Variants in CSMD1 observed in about 807,000 individuals in gnomAD.
CSMD1 encodes the protein CUB and sushi domain-containing protein 1.
In CSMD1, 213 loss-of-function variants were observed where a neutral mutation model predicts 417.5. The ratio of observed to expected loss-of-function variants is 0.51; its 90% CI spans 0.46 to 0.57. The LOEUF is 0.57. Among genes scored for constraint, CSMD1 ranks in the 20% least tolerant of loss-of-function variants. The probability of loss-of-function intolerance (pLI) is 0.00; values close to 1 mark genes in which losing one functional copy is unlikely to be tolerated. For missense variants in CSMD1, 6,923 were observed against 4,529.7 expected, an observed-to-expected ratio of 1.53 and a Z score of -15.17; for synonymous variants, 2,862 against 1,736.8, an observed-to-expected ratio of 1.65 and a Z score of -16.11.
intron 26 of CSMD1, among the ~76,000 whole-genome samples, chr8:3,234,565 C>T (rs879927214): frequency 1.3e-5 from 2 of 152,224 alleles, no homozygotes; most frequent in East Asian, 1.9e-4. Context: ...TAGGAGTTAC[C>T]GGAAGGCCAT....
intron 3 of CSMD1, among the ~76,000 whole-genome samples, chr8:4,110,179 A>G (rs535635579): frequency 6.6e-6 from 1 of 152,178 alleles, no homozygotes; most frequent in Non-Finnish European, 1.5e-5. Context: ...TCTGGATCAC[A>G]TATCTAAAGA....
At chr8:4,396,687 A>C (rs1804244637) in intron 3 of CSMD1, among the ~76,000 whole-genome samples, 2 of 152,072 alleles carry the variant, frequency 1.3e-5, no homozygotes, top group South Asian at 4.1e-4. Flanking sequence ...CCAATGGAAT[A>C]CCGATCAGCC....
intron 3 of CSMD1, among the ~76,000 whole-genome samples, chr8:4,077,843 G>T (rs947167345): frequency 6.6e-6 from 1 of 152,066 alleles, no homozygotes; most frequent in African/African-American, 2.4e-5. Context: ...ACCAAATTGA[G>T]CCTAAATATG....
rs534825967 is a variant in CSMD1 at position 4,960,646 on chromosome 8, T to C, written c.85+33686A>G. On this transcript the variant is annotated intron_variant, in intron 1 of 69. Transcript: ENST00000635120. The stretch of plus-strand genomic sequence containing the variant: ...ATGCATCCATACATCCATATATCCA[T>C]ACATATGTACATCCATTCATACGTA... Among the ~76,000 whole-genome samples the C allele has an allele frequency of 3.1e-4, 47 of 152,284 alleles. No homozygotes were observed. The South Asian group carries it at 9.1e-3, about 30-fold the overall frequency.
chr8:3,814,562 G>A (rs1003184827), intron 5 of CSMD1, among the ~76,000 whole-genome samples: 3 of 152,148 alleles, frequency 2.0e-5, no homozygotes, highest in African/African-American at 7.2e-5. Context: ...TATCAGGGTG[G>A]ATACCACTTG....
chr8:4,920,866 GAAAAGA>G (rs1806396574), intron 1 of CSMD1, among the ~76,000 whole-genome samples: 1 of 5,734 alleles, frequency 1.7e-4, no homozygotes, highest in African/African-American at 3.5e-4. Flanking sequence ...GAAAAGAAAA[GAAAAGA>G]AAAGAAAAGA....
At chr8:4,546,906 C>G (rs1034721619) in intron 2 of CSMD1, among the ~76,000 whole-genome samples, 1 of 152,084 alleles carries the variant, frequency 6.6e-6, no homozygotes, top group Non-Finnish European at 1.5e-5. Flanking sequence ...AGATCCCTAA[C>G]ACACCATCCC....
chr8:4,541,520 G>A (rs928820030), intron 2 of CSMD1, among the ~76,000 whole-genome samples: 1 of 151,956 alleles, frequency 6.6e-6, no homozygotes, highest in African/African-American at 2.4e-5. Context: ...GGCTGAACTG[G>A]GCCTATTGCT....
At chr8:3,041,973 A>C (rs1811128112) in intron 50 of CSMD1, among the ~76,000 whole-genome samples, 1 of 152,132 alleles carries the variant, frequency 6.6e-6, no homozygotes, top group Non-Finnish European at 1.5e-5. Context: ...GCCACCCTTC[A>C]TCTCTGGGAA....
intron 41 of CSMD1, among the ~76,000 whole-genome samples, chr8:3,130,324 T>C (rs1817727133): frequency 1.3e-5 from 2 of 152,132 alleles, no homozygotes; most frequent in Middle Eastern, 3.4e-3. Context: ...ATTATTCAAA[T>C]TGTACGTCGT....
intron 1 of CSMD1, among the ~76,000 whole-genome samples, chr8:4,993,015 G>A (rs1222223119): frequency 1.3e-5 from 2 of 152,196 alleles, no homozygotes; most frequent in East Asian, 3.9e-4. Context: ...AGCCCAGGCG[G>A]CACGTCTCTC....
intron 5 of CSMD1, among the ~76,000 whole-genome samples, chr8:3,948,516 T>C (rs1446611024): frequency 6.6e-6 from 1 of 152,114 alleles, no homozygotes; most frequent in Non-Finnish European, 1.5e-5. Context: ...TCTTCTTATA[T>C]TTTCTTTATT....
intron 3 of CSMD1, among the ~76,000 whole-genome samples, chr8:4,154,642 A>G (rs1441590467): frequency 6.6e-6 from 1 of 152,236 alleles, no homozygotes; most frequent in Non-Finnish European, 1.5e-5. Flanking sequence ...GTTTTAAAAA[A>G]GGAATTGTAT....
chr8:4,822,663 GTATT>G (rs1799587608), intron 1 of CSMD1, among the ~76,000 whole-genome samples: 2 of 152,134 alleles, frequency 1.3e-5, no homozygotes, highest in South Asian at 2.1e-4. Context: ...TTTGTTCACA[GTATT>G]TATTTAAAAT....
At chr8:4,685,631 C>T (rs1318561554) in intron 1 of CSMD1, among the ~76,000 whole-genome samples, 1 of 152,112 alleles carries the variant, frequency 6.6e-6, no homozygotes, top group Non-Finnish European at 1.5e-5. Context: ...CACACCATCA[C>T]ACCATGTACT....
chr8:3,055,438 C>G (rs1812150561), intron 49 of CSMD1, among the ~76,000 whole-genome samples: 1 of 152,152 alleles, frequency 6.6e-6, no homozygotes, highest in South Asian at 2.1e-4. Context: ...AATTATAACA[C>G]TTCTGATTTA....
At chr8:3,810,959 C>G (rs1801034690) in intron 5 of CSMD1, among the ~76,000 whole-genome samples, 1 of 152,110 alleles carries the variant, frequency 6.6e-6, no homozygotes, top group Non-Finnish European at 1.5e-5. Context: ...AACGTTTGTT[C>G]TTTATTAATA....
chr8:3,260,849 G>C (rs930859012), intron 26 of CSMD1, among the ~76,000 whole-genome samples: 2 of 152,146 alleles, frequency 1.3e-5, no homozygotes, highest in Non-Finnish European at 2.9e-5. Context: ...CTGTGAAGAG[G>C]ATGGAAAGAC....
intron 1 of CSMD1, among the ~76,000 whole-genome samples, chr8:4,988,856 T>C (rs994525217): frequency 6.6e-5 from 10 of 152,226 alleles, no homozygotes; most frequent in African/African-American, 1.7e-4. Context: ...ATTATTTCCA[T>C]AAAGCTCCCT....
Sources: gnomAD v4.1 joint callset for allele counts (sites outside exome capture counted in the v4.1 genomes callset) on GRCh38, gnomAD v4.1.1 for gene constraint, MANE v1.5 for transcripts, NCBI Gene and HGNC (gene_info 2026-07-23, HGNC 2026-07-21) for gene names.